ADAMTS13: variants seen among roughly 807,000 people sequenced by gnomAD.
The protein encoded by ADAMTS13 is ADAM metallopeptidase with thrombospondin type 1 motif 13, also known as A disintegrin and metalloproteinase with thrombospondin motifs 13.
ADAMTS13 carries 110 observed loss-of-function variants against 155.1 expected under a neutral mutation model. That is an observed-to-expected ratio of 0.71 (90% CI 0.61 to 0.83). The LOEUF is 0.83. Among genes scored for constraint, ADAMTS13 ranks in the 40% least tolerant of loss-of-function variants. The pLI, the probability that ADAMTS13 is intolerant of heterozygous loss-of-function variation, is 0.00. For missense variants in ADAMTS13, 1,707 were observed against 1,891.7 expected, an observed-to-expected ratio of 0.90 and a Z score of 1.81; for synonymous variants, 758 against 756.4, an observed-to-expected ratio of 1.00 and a Z score of -0.03.
At chr9:133,415,472 G>C (rs1439975274) in intron 1 of ADAMTS13, among the ~76,000 whole-genome samples, 1 of 151,754 alleles carries the variant, frequency 6.6e-6, no homozygotes, top group Non-Finnish European at 1.5e-5. Flanking sequence ...AGGAAGGTGG[G>C]GGGTGTCATA....
rs587660167 is a variant in ADAMTS13, at chr9:133,445,174, A to G, written c.2610+122A>G. ...GCAAGAACACCATCCTTCTGTGGGA[A>G]TGCTGTCTGAGGGCCACCCCTGCTC... On this transcript the variant is annotated intron_variant, in intron 20 of 28. Coordinates refer to ENST00000355699, the MANE Select transcript of ADAMTS13 (RefSeq NM_139027.6). The surrounding 1 kb of genome is among the most constrained non-coding windows in gnomAD (Gnocchi z 5.0). The G allele has an allele frequency of 2.5e-6, 3 of 1,201,758 alleles. No homozygotes were observed. The highest frequency in any genetic ancestry group is 1.5e-5 in the African/African-American group (1 of 66,628). 74.4% of individuals were successfully genotyped at this position (1,201,758 alleles called of 1,614,324 possible).
intron 22 of ADAMTS13, among the ~76,000 whole-genome samples, chr9:133,448,954 T>G (rs1842252508): frequency 6.6e-6 from 1 of 152,146 alleles, no homozygotes; most frequent in East Asian, 1.9e-4. Context: ...CCCTGCCAGG[T>G]GGGCCCCTTC....
chr9:133,415,866 C>T (rs1355615801), intron 1 of ADAMTS13: 1 of 152,132 alleles, frequency 6.6e-6, no homozygotes, highest in African/African-American at 2.4e-5. Context: ...TGTGTTAAGA[C>T]AGGAATGTCT....
chr9:133,429,326 A>C (rs1588158339), intron 7 of ADAMTS13, among the ~76,000 whole-genome samples: 1 of 39,128 alleles, frequency 2.6e-5, no homozygotes, highest in Admixed American at 3.2e-4. Context: ...TTGCGCCCAC[A>C]CTTTCGTTCC....
Position 133,425,247 on chromosome 9 carries a change from G to A in ADAMTS13, c.331-282G>A, listed in dbSNP as rs1220324821. Among the ~76,000 whole-genome samples the A allele has an allele frequency of 2.0e-5, 3 of 152,202 alleles. No homozygotes were observed. The highest frequency in any genetic ancestry group is 4.8e-5 in the African/African-American group (2 of 41,464). The stretch of plus-strand genomic sequence containing the variant: ...GATCTGAGAGGAGCAGCGTTTGACC[G>A]GAATATCCGACTCGTGACCATCTGT... On this transcript the variant is annotated intron_variant, in intron 3 of 28. Transcript: ENST00000355699. This position sits in a 1 kb window ranked among gnomAD's most constrained non-coding sequence, Gnocchi z 4.6.
intron 23 of ADAMTS13, among the ~76,000 whole-genome samples, chr9:133,450,424 C>T (rs904945942): frequency 4.6e-5 from 7 of 151,904 alleles, no homozygotes; most frequent in African/African-American, 7.3e-5. Flanking sequence ...CAAAATTAGC[C>T]GGGTGTGGTG....
chr9:133,439,547 G>T, intron 15 of ADAMTS13, 101 bp downstream of exon 15: 1 of 1,118,930 alleles, frequency 8.9e-7, no homozygotes, highest in Non-Finnish European at 1.4e-6. Flanking sequence ...GCAAGTTCAG[G>T]GGGTTCCCCA....
intron 1 of ADAMTS13, among the ~76,000 whole-genome samples, chr9:133,415,319 C>T (rs941396455): frequency 4.6e-5 from 7 of 152,084 alleles, no homozygotes; most frequent in African/African-American, 1.2e-4. Context: ...GGCTGGACAC[C>T]ACAGACCACT....
At chr9:133,432,108 A>G (rs782570304) in intron 8 of ADAMTS13, among the ~76,000 whole-genome samples, 2 of 152,332 alleles carry the variant, frequency 1.3e-5, no homozygotes, top group South Asian at 4.1e-4. Flanking sequence ...TGCTAAAAAT[A>G]CAAAAAATTA....
chr9:133,438,417 TGGCCACAGCCCAGAGCGTTGGTGCAGG>T (rs1841413026), intron 14 of ADAMTS13, 51 bp downstream of exon 14: 3 of 1,608,542 alleles, frequency 1.9e-6, no homozygotes, highest in African/African-American at 1.3e-5. Flanking sequence ...GCCTCCAAGA[TGGCCACAGCCCAGAGCGTTGGTGCAGG>T]GGCTGCTCAG....
intron 21 of ADAMTS13, among the ~76,000 whole-genome samples, chr9:133,446,544 G>A (rs983376005): frequency 6.6e-6 from 1 of 152,226 alleles, no homozygotes; most frequent in Non-Finnish European, 1.5e-5. Context: ...TCCATTGTGA[G>A]TGTATCCTTT....
chr9:133,442,377 G>T (rs782449462), intron 16 of ADAMTS13, 22 bp from the exon 17 acceptor site: 2 of 1,613,850 alleles, frequency 1.2e-6, no homozygotes, highest in East Asian at 2.2e-5. Context: ...ACTGGACAAG[G>T]CCTGAAGCTC....
rs781978940 is a variant in ADAMTS13, at chr9:133,426,150, G to C, written c.540-49G>C. 6.2e-6 allele frequency: 10 copies of C among 1,613,924 alleles called. No individual in the cohort carries two copies. In the South Asian group the frequency reaches 1.1e-4, roughly 18 times the overall value. ...TGCCCTCTGCAAAGGTGACCCCAGG[G>C]CAGGCACGTGCCTTGGCACCACCCA... is the stretch of plus-strand genomic sequence containing the variant. On this transcript the variant is annotated intron_variant, in intron 5 of 28. Transcript: ENST00000355699.
rs36221216 is a variant in ADAMTS13 at position 133,440,354 on chromosome 9, C to T, written c.1797C>T (p.Ile599=). ...RPLFTHLAVR[I]GGRYVVAGKM... Reference sequence around the variant, plus strand: ...CTGGTTCCCCGACAGCGGTGAGGATCGGAGGGCGCTATGTCGTGGCTGGGA... The same window carrying T: ...CTGGTTCCCCGACAGCGGTGAGGATTGGAGGGCGCTATGTCGTGGCTGGGA... Residue 599 remains isoleucine (I), a synonymous_variant, in exon 16 of 29, where the codon ATC becomes ATT. Coordinates refer to ENST00000355699, the MANE Select transcript of ADAMTS13 (RefSeq NM_139027.6). The surrounding 1 kb of genome is among the most constrained non-coding windows in gnomAD (Gnocchi z 4.3). 3,147 of 1,613,962 alleles carry T rather than the reference C, an allele frequency of 1.9e-3. 70 individuals are homozygous for T. In the African/African-American group the frequency reaches 0.036, roughly 19 times the overall value.
At position 133,440,289 on chromosome 9, in the gene ADAMTS13, G is replaced by C. The variant is rs139184786; in HGVS notation, c.1787-55G>C. 1,971 of 1,609,640 alleles carry C rather than the reference G, an allele frequency of 1.2e-3. 13 individuals carry two copies. Among genetic ancestry groups the C allele is most frequent in the East Asian group, 9.4e-3 (420 of 44,880 alleles). On this transcript the variant is annotated intron_variant, in intron 15 of 28. Transcript: ENST00000355699. The surrounding 1 kb of genome is among the most constrained non-coding windows in gnomAD (Gnocchi z 4.3). ...GAAGGAGAGTCACTGACATGTGCCT[G>C]TGAGGAGGATGGGTGCTCAGCTCCA...
Position 133,440,618 on chromosome 9 carries a change from G to A in ADAMTS13, c.1968+93G>A, listed in dbSNP as rs1004245958. On this transcript the variant is annotated intron_variant, in intron 16 of 28. Transcript: ENST00000355699. The surrounding 1 kb of genome is among the most constrained non-coding windows in gnomAD (Gnocchi z 4.3). ...TGTCTATCCATCCATTCCCTGATTC[G>A]TTCATTTATTCATTCAGCGGTCACT... 52 of 1,389,004 alleles carry A rather than the reference G, an allele frequency of 3.7e-5. No individual in the cohort carries two copies. Among genetic ancestry groups the A allele is most frequent in the Admixed American group, 4.7e-5 (2 of 42,244 alleles). The allele number at this position is 1,389,004 out of a possible 1,614,324, so 86.0% of individuals were successfully genotyped here. A position where few individuals can be genotyped will look rare whatever the true frequency, so the allele number is the denominator to read the frequency against.
intron 9 of ADAMTS13, 77 bp from the exon 10 acceptor site, chr9:133,433,301 G>A: frequency 1.3e-6 from 2 of 1,582,838 alleles, no homozygotes; most frequent in South Asian, 1.1e-5. Context: ...AGGATGTTGG[G>A]GGACTCTCTG....
rs1333508948 is a variant in ADAMTS13 at position 133,438,451 on chromosome 9, T to TCAGGTCACAGGGCCTGCA, written c.1705+88_1705+105dup. On this transcript the variant is annotated intron_variant, in intron 14 of 28. Coordinates refer to ENST00000355699, the MANE Select transcript of ADAMTS13 (RefSeq NM_139027.6). The stretch of plus-strand genomic sequence containing the variant: ...CCCAGAGCGTTGGTGCAGGGGCTGC[T>TCAGGTCACAGGGCCTGCA]CAGGTCACAGGGCCTGCACACTCAC... The TCAGGTCACAGGGCCTGCA allele has an allele frequency of 4.4e-6, 7 of 1,578,684 alleles. No homozygotes were observed. The African/African-American group carries it at 9.4e-5, about 21-fold the overall frequency.
chr9:133,421,604 C>T (rs148897705), upstream of ADAMTS13, among the ~76,000 whole-genome samples: 26 of 152,326 alleles, frequency 1.7e-4, no homozygotes, highest in Admixed American at 1.4e-3. Flanking sequence ...AGAGCCTGGC[C>T]TGTTTCAGGG....
Sources: gnomAD v4.1 joint callset for allele counts (sites outside exome capture counted in the v4.1 genomes callset) on GRCh38, gnomAD v4.1.1 for gene constraint, Gnocchi (gnomAD v3.1) non-coding constraint, MANE v1.5 for transcripts, NCBI Gene and HGNC (gene_info 2026-07-23, HGNC 2026-07-21) for gene names.